The following CRYZL1 variants were observed in gnomAD, a reference collection of about 807,000 sequenced individuals.
The protein encoded by CRYZL1 is ferry endosomal RAB5 effector complex subunit 4.
A neutral mutation model predicts 50.6 loss-of-function variants in CRYZL1; 34 were observed. The ratio of observed to expected loss-of-function variants is 0.67; its 90% CI spans 0.51 to 0.89. The LOEUF (loss-of-function observed/expected upper bound fraction) is 0.89. CRYZL1 is among the 40% of genes least tolerant of loss of function. CRYZL1 has a pLI of 0.00. For synonymous variants in CRYZL1, 125 were observed against 134.3 expected, an observed-to-expected ratio of 0.93 and a Z score of 0.48; for missense variants, 354 against 402.3, an observed-to-expected ratio of 0.88 and a Z score of 1.03.
At chr21:33,641,210 T>C in intron 1 of CRYZL1, 3 of 1,550,540 alleles carry the variant, frequency 1.9e-6, no homozygotes, top group Non-Finnish European at 2.6e-6. Context: ...CCGTTTAGCA[T>C]AATGAAGAGG....
intron 2 of CRYZL1, among the ~76,000 whole-genome samples, chr21:33,628,778 A>AT (rs936128372): frequency 1.6e-4 from 23 of 146,514 alleles, no homozygotes; most frequent in South Asian, 4.3e-4. Flanking sequence ...ACTCAAAAAA[A>AT]TTTTTTTTTT....
At chr21:33,605,458 A>G (rs545376134) in intron 6 of CRYZL1, among the ~76,000 whole-genome samples, 1 of 147,964 alleles carries the variant, frequency 6.8e-6, no homozygotes, top group South Asian at 2.1e-4. Context: ...ATTCCTTAAC[A>G]TGTTTCACTA....
At chr21:33,619,074 T>A (rs2086966986) in intron 4 of CRYZL1, among the ~76,000 whole-genome samples, 1 of 152,198 alleles carries the variant, frequency 6.6e-6, no homozygotes, top group Admixed American at 6.6e-5. Flanking sequence ...TTCCTTGAAC[T>A]CAGTAAGTAT....
rs2086622629 is a variant in CRYZL1 at position 33,589,732 on chromosome 21, TC to T, written c.*89del. The T allele has an allele frequency of 2.4e-6, 2 of 821,664 alleles. No individual in the cohort carries two copies. The highest frequency in any genetic ancestry group is 4.1e-6 in the Non-Finnish European group (2 of 493,342). The allele number at this position is 821,664 out of a possible 1,614,324, so 50.9% of individuals were successfully genotyped here. ...CTTAAAAATGCAACTTGTTTTATCT[TC>T]CTTGGTTTTTCTCAACAATTTCCAA... is the stretch of plus-strand genomic sequence containing the variant. On this transcript the variant is annotated 3_prime_UTR_variant, in exon 13 of 13. Transcript: ENST00000381554.
Position 33,603,510 on chromosome 21 carries a change from G to A in CRYZL1, c.359C>T (p.Thr120Met), listed in dbSNP as rs200366314. The A allele has an allele frequency of 2.7e-5, 43 of 1,614,038 alleles. No individual in the cohort carries two copies. The East Asian group carries it at 5.8e-4, about 22-fold the overall frequency. ...ATCCCGAATGCTTCCTGCTGCTTCC[G>A]TCCATGTGACCTTTTCTGGTTTATG... is the stretch of plus-strand genomic sequence containing the variant. ...LVHKPEKVTW[T>M]EAAGSIRDGV... Residue 120 changes from threonine (T) to methionine (M), a missense_variant, in exon 7 of 13, where the codon ACG (threonine) becomes ATG (methionine). Thr to Met is a moderately conservative substitution (Grantham distance 81). Transcript: ENST00000381554.
intron 10 of CRYZL1, among the ~76,000 whole-genome samples, chr21:33,596,773 G>C (rs146603944): frequency 6.6e-6 from 1 of 151,288 alleles, no homozygotes; most frequent in East Asian, 1.9e-4. Context: ...TGGCCAACAT[G>C]TTGCTAAAGT....
chr21:33,607,511 T>C (rs1401977694), intron 6 of CRYZL1, among the ~76,000 whole-genome samples: 3 of 151,660 alleles, frequency 2.0e-5, no homozygotes, highest in Non-Finnish European at 4.4e-5. Context: ...GCATGCCTAT[T>C]GTCCCAGCTA....
In CRYZL1 at chr21:33,597,122, G is replaced by A. The variant is rs376444575; in HGVS notation, c.798+158C>T. 1.5e-3 allele frequency among the ~76,000 whole-genome samples: 232 copies of A among 151,952 alleles called. 3 individuals are homozygous for A. The highest frequency in any genetic ancestry group is 5.2e-3 in the African/African-American group (214 of 41,434). On this transcript the variant is annotated intron_variant, in intron 10 of 12. Transcript: ENST00000381554. ...TGGCCTCAAGTGATCCGCCCGCCGCGGCCTCCCATAGTGCTGGACTCATAG... is the reference window on the plus strand; with the variant it reads ...TGGCCTCAAGTGATCCGCCCGCCGCAGCCTCCCATAGTGCTGGACTCATAG...
chr21:33,625,158 A>T (rs951781995), intron 2 of CRYZL1, among the ~76,000 whole-genome samples: 1 of 143,500 alleles, frequency 7.0e-6, no homozygotes, highest in African/African-American at 2.6e-5. Context: ...ACCTTTACTG[A>T]TTTTTTTTTT....
At chr21:33,595,667 A>T in intron 11 of CRYZL1, 64 bp downstream of exon 11, 1 of 1,601,648 alleles carries the variant, frequency 6.2e-7, no homozygotes. Context: ...TATTATCGTA[A>T]TGAAAGAACT....
intron 5 of CRYZL1, among the ~76,000 whole-genome samples, chr21:33,614,203 G>A (rs991857870): frequency 2.7e-5 from 4 of 150,824 alleles, no homozygotes; most frequent in African/African-American, 7.3e-5. Flanking sequence ...TGTCCCTGAT[G>A]GGTTGGGCAT....
intron 2 of CRYZL1, 141 bp from the exon 3 acceptor site, chr21:33,624,901 G>A (rs1196538075): frequency 5.1e-6 from 6 of 1,175,574 alleles, no homozygotes; most frequent in South Asian, 2.2e-5. Context: ...ACAACTATAA[G>A]TAATTATAGA....
At chr21:33,596,364 G>A (rs560130126) in intron 10 of CRYZL1, among the ~76,000 whole-genome samples, 3 of 151,962 alleles carry the variant, frequency 2.0e-5, no homozygotes, top group East Asian at 1.9e-4. Flanking sequence ...TCATGCCAGC[G>A]TGGTGGCTCA....
intron 8 of CRYZL1, 92 bp from the exon 9 acceptor site, chr21:33,599,340 A>C: frequency 2.0e-6 from 3 of 1,511,794 alleles, no homozygotes; most frequent in Non-Finnish European, 2.7e-6. Context: ...GCAAATAAAT[A>C]TCTATTCTTG....
intron 6 of CRYZL1, among the ~76,000 whole-genome samples, chr21:33,608,283 C>T (rs1433618160): frequency 2.6e-5 from 4 of 152,088 alleles, no homozygotes; most frequent in Non-Finnish European, 5.9e-5. Context: ...GGAGAAACCC[C>T]GTCTCTACTA....
chr21:33,596,108 C>T (rs2086690565), intron 10 of CRYZL1: 1 of 589,570 alleles, frequency 1.7e-6, no homozygotes, highest in South Asian at 1.6e-5. Context: ...TTCTGGCCAT[C>T]TTCATGAGGG....
At chr21:33,623,472 A>G (rs1462253237) in intron 3 of CRYZL1, among the ~76,000 whole-genome samples, 1 of 152,172 alleles carries the variant, frequency 6.6e-6, no homozygotes, top group Non-Finnish European at 1.5e-5. Flanking sequence ...TATTTCTTAG[A>G]CTTGGATTTT....
intron 5 of CRYZL1, among the ~76,000 whole-genome samples, chr21:33,614,049 G>A (rs1265376069): frequency 1.3e-5 from 2 of 151,930 alleles, no homozygotes; most frequent in African/African-American, 4.8e-5. Context: ...GCAGGCGCCT[G>A]TAATCCCAGC....
chr21:33,597,246 T>A, intron 10 of CRYZL1, 34 bp downstream of exon 10: 6 of 1,606,346 alleles, frequency 3.7e-6, no homozygotes, highest in Non-Finnish European at 5.1e-6. Flanking sequence ...ACCCCTTTGG[T>A]GTAATGGTAA....
Sources: gnomAD v4.1 joint callset for allele counts (sites outside exome capture counted in the v4.1 genomes callset) on GRCh38, gnomAD v4.1.1 for gene constraint, MANE v1.5 for transcripts, NCBI Gene and HGNC (gene_info 2026-07-23, HGNC 2026-07-21) for gene names.